Variants in FARP1 observed in about 807,000 individuals in gnomAD.
The protein encoded by FARP1 is FERM, ARHGEF and pleckstrin domain-containing protein 1.
FARP1 carries 52 observed loss-of-function variants against 128.8 expected under a neutral mutation model. The observed-to-expected ratio is 0.40, with a 90% CI of 0.32 to 0.51. The LOEUF (loss-of-function observed/expected upper bound fraction) is 0.51. FARP1 is among the 20% of genes least tolerant of loss of function. The pLI is 0.45. For missense variants in FARP1, 1,333 were observed against 1,367.9 expected (o/e 0.97, Z 0.40); for synonymous variants, 580 against 551.8 (o/e 1.05, Z -0.72).
chr13:98,361,798 G>A (rs1888883281), intron 3 of FARP1, among the ~76,000 whole-genome samples: 1 of 152,068 alleles, frequency 6.6e-6, no homozygotes, highest in Non-Finnish European at 1.5e-5. Context: ...TCTGTCATTA[G>A]CCTGTCCCTA....
chr13:98,296,938 GC>G (rs1203770530), intron 2 of FARP1, among the ~76,000 whole-genome samples: 1 of 152,050 alleles, frequency 6.6e-6, no homozygotes, highest in African/African-American at 2.4e-5. Flanking sequence ...TCCTACCTTG[GC>G]CTCCCAAAGC....
At chr13:98,266,966 G>A (rs9584787) in intron 2 of FARP1, among the ~76,000 whole-genome samples, 60,932 of 144,424 alleles carry the variant, frequency 0.42, 13,436 homozygotes, top group African/African-American at 0.56. Context: ...GTGAGCCAAG[G>A]TCACACCACT....
At chr13:98,324,077 C>T (rs1486436547) in intron 2 of FARP1, among the ~76,000 whole-genome samples, 1 of 152,156 alleles carries the variant, frequency 6.6e-6, no homozygotes, top group Non-Finnish European at 1.5e-5. Flanking sequence ...AAAATTTCCT[C>T]GTAAAGTTTC....
In FARP1 at chr13:98,215,924, G is replaced by A. The variant is rs554710494; in HGVS notation, c.171+2511G>A. ...TTCTGCCTCAGCCTCCCAAGTAGCT[G>A]GTACGATAGGTGCCTGCCACCACAC... On this transcript the variant is annotated intron_variant, in intron 2 of 26. Coordinates refer to ENST00000319562, the MANE Select transcript of FARP1 (RefSeq NM_005766.4). Among the ~76,000 whole-genome samples, 6 of 152,034 alleles carry A rather than the reference G, an allele frequency of 3.9e-5. No homozygotes were observed. The South Asian group carries it at 1.2e-3, about 32-fold the overall frequency.
At chr13:98,419,159 G>A (rs1396156548) in intron 16 of FARP1, among the ~76,000 whole-genome samples, 1 of 152,142 alleles carries the variant, frequency 6.6e-6, no homozygotes, top group East Asian at 1.9e-4. Flanking sequence ...TATATCACAT[G>A]TGGCTGATAC....
chr13:98,362,154 C>G (rs1888898713), intron 3 of FARP1, among the ~76,000 whole-genome samples: 1 of 152,162 alleles, frequency 6.6e-6, no homozygotes, highest in African/African-American at 2.4e-5. Flanking sequence ...GTCCCAGCTA[C>G]CCGGGAAGCT....
chr13:98,382,788 A>G lies in FARP1; in HGVS notation c.497-1942A>G, dbSNP rs1434297826. ...TCCTTTTCATGGTCTATTTAGTGCCACGCTTTTCGCATTTTTGTGCATGTT... is the reference window on the plus strand; with the variant it reads ...TCCTTTTCATGGTCTATTTAGTGCCGCGCTTTTCGCATTTTTGTGCATGTT... On this transcript the variant is annotated intron_variant, in intron 6 of 26. Transcript: ENST00000319562. Among the ~76,000 whole-genome samples, 4 of 151,704 alleles carry G rather than the reference A, an allele frequency of 2.6e-5. No individual in the cohort carries two copies. In the East Asian group the frequency reaches 7.7e-4, roughly 29 times the overall value.
intron 13 of FARP1, chr13:98,402,176 A>C (rs1022320620): frequency 2.0e-5 from 3 of 152,370 alleles, no homozygotes; most frequent in Admixed American, 2.0e-4. Flanking sequence ...GAGATACTGG[A>C]GTGTGCTGCT....
chr13:98,264,371 C>T (rs574164129), intron 2 of FARP1, among the ~76,000 whole-genome samples: 129 of 152,346 alleles, frequency 8.5e-4, no homozygotes, highest in African/African-American at 3.0e-3. Context: ...GATGGACTCT[C>T]ATGCCATCTC....
chr13:98,397,186 G>A lies in FARP1; in HGVS notation c.1414+1710G>A, dbSNP rs537475609. 10 of 152,312 alleles carry A rather than the reference G, an allele frequency of 6.6e-5. 1 individual carries two copies. Among genetic ancestry groups the A allele is most frequent in the South Asian group, 4.1e-4 (2 of 4,820 alleles). The allele number at this position is 152,312 out of a possible 1,614,324, so 9.4% of individuals were successfully genotyped here. A position where few individuals can be genotyped will look rare whatever the true frequency, so the allele number is the denominator to read the frequency against. Reference sequence around the variant, plus strand: ...GCTGGTTTGGTTTAGGTTTGCATTGGTGGATCATATTGTTATGTTTTAAGA... The same window carrying A: ...GCTGGTTTGGTTTAGGTTTGCATTGATGGATCATATTGTTATGTTTTAAGA... On this transcript the variant is annotated intron_variant, in intron 13 of 26. Coordinates refer to ENST00000319562, the MANE Select transcript of FARP1 (RefSeq NM_005766.4).
At chr13:98,146,862 G>T (rs553809248) in intron 1 of FARP1, among the ~76,000 whole-genome samples, 1 of 152,148 alleles carries the variant, frequency 6.6e-6, no homozygotes, top group Non-Finnish European at 1.5e-5. Flanking sequence ...GGGAAGCAGC[G>T]GATCAACTTC....
At chr13:98,213,191 G>T in intron 1 of FARP1, 29 bp from the exon 2 acceptor site, 8 of 1,576,068 alleles carry the variant, frequency 5.1e-6, no homozygotes, top group Non-Finnish European at 6.0e-6. Flanking sequence ...CTATTCTGAT[G>T]TGTTTTTCTT....
intron 1 of FARP1, among the ~76,000 whole-genome samples, chr13:98,169,906 C>T (rs1314382779): frequency 6.6e-6 from 1 of 152,066 alleles, no homozygotes; most frequent in Non-Finnish European, 1.5e-5. Flanking sequence ...AAAAAAACTT[C>T]ATATTATTTG....
At chr13:98,208,349 G>A (rs767349980) in intron 1 of FARP1, among the ~76,000 whole-genome samples, 1 of 151,468 alleles carries the variant, frequency 6.6e-6, no homozygotes, top group African/African-American at 2.4e-5. Context: ...ATGGTGGTGG[G>A]CATCTGTAAT....
At chr13:98,287,640 T>C (rs1292693199) in intron 2 of FARP1, among the ~76,000 whole-genome samples, 1 of 152,122 alleles carries the variant, frequency 6.6e-6, no homozygotes, top group Non-Finnish European at 1.5e-5. Flanking sequence ...AAAGCACATA[T>C]TTCAACATAT....
chr13:98,296,290 T>G (rs1336524810), intron 2 of FARP1, among the ~76,000 whole-genome samples: 5 of 152,128 alleles, frequency 3.3e-5, no homozygotes, highest in Non-Finnish European at 5.9e-5. Context: ...TCCTGTCCCG[T>G]GGCCCCCCGA....
Position 98,440,754 on chromosome 13 carries a change from C to T in FARP1, c.2714C>T (p.Pro905Leu), listed in dbSNP as rs772933763. The T allele has an allele frequency of 6.8e-6, 11 of 1,613,258 alleles. No homozygotes were observed. Among genetic ancestry groups the T allele is most frequent in the East Asian group, 4.5e-5 (2 of 44,890 alleles). Reference sequence around the variant, plus strand: ...CGCACATCGCTGGAGCGCCAGGCCCCGCACCGCGGCAACACAATGGTGCAC... The same window carrying T: ...CGCACATCGCTGGAGCGCCAGGCCCTGCACCGCGGCAACACAATGGTGCAC... ...ASRTSLERQA[P>L]HRGNTMVHVC... Residue 905 changes from proline to leucine, a missense_variant, in exon 24 of 27, where the codon CCG (proline) becomes CTG (leucine). Pro to Leu is a moderately conservative substitution (Grantham distance 98). Around this residue, in one of 2 missense-constraint regions of FARP1, gnomAD observed 1,009 missense variants for 969.8 expected, o/e 1.04. Transcript: ENST00000319562.
chr13:98,443,156 T>C (rs2139137200), intron 24 of FARP1, among the ~76,000 whole-genome samples: 1 of 152,372 alleles, frequency 6.6e-6, no homozygotes, highest in East Asian at 1.9e-4. Flanking sequence ...TTTTTTTTAA[T>C]GGCTGCTACA....
chr13:98,362,927 G>GGTTGTTACC (rs1888931357), intron 3 of FARP1, among the ~76,000 whole-genome samples: 20 of 151,990 alleles, frequency 1.3e-4, no homozygotes, highest in Admixed American at 1.3e-3. Flanking sequence ...TGGTTGTTAC[G>GGTTGTTACC]TCTTCAGTTG....
Sources: gnomAD v4.1 joint callset for allele counts (sites outside exome capture counted in the v4.1 genomes callset) on GRCh38, gnomAD v4.1.1 for gene constraint, gnomAD v4.1.1 regional missense constraint, MANE v1.5 for transcripts, NCBI Gene and HGNC (gene_info 2026-07-23, HGNC 2026-07-21) for gene names.